KIAA1217: variants seen among roughly 807,000 people sequenced by gnomAD.
The protein encoded by KIAA1217 is KIAA1217.
A neutral mutation model predicts 163.9 loss-of-function variants in KIAA1217; 88 were observed. The ratio of observed to expected loss-of-function variants is 0.54; its 90% confidence interval spans 0.45 to 0.64. The LOEUF is 0.64. Ranked by LOEUF, KIAA1217 falls within the 30% of genes least tolerant of loss-of-function variation. KIAA1217 has a pLI of 0.00. For synonymous variants in KIAA1217, 903 were observed against 923.1 expected, an observed-to-expected ratio of 0.98 and a Z score of 0.39; for missense variants, 2,372 against 2,475.0, an observed-to-expected ratio of 0.96 and a Z score of 0.88.
intron 2 of KIAA1217, among the ~76,000 whole-genome samples, chr10:24,355,728 CTTTTTTTTTTTTTTTTTTTTTTTTTTT>C: frequency 3.1e-5 from 1 of 32,218 alleles, no homozygotes; most frequent in Middle Eastern, 0.021. Flanking sequence ...AGTCCTCACT[CTTTTTTTTTTTTTTTTTTTTTTTTTTT>C]TTTTTTTTTT....
At chr10:24,233,028 G>C (rs904020956) in intron 2 of KIAA1217, among the ~76,000 whole-genome samples, 1 of 151,310 alleles carries the variant, frequency 6.6e-6, no homozygotes, top group Non-Finnish European at 1.5e-5. Flanking sequence ...AGGAGGCTGA[G>C]ATGGGAGGAT....
At chr10:24,351,503 T>C (rs2048457415) in intron 2 of KIAA1217, among the ~76,000 whole-genome samples, 2 of 152,240 alleles carry the variant, frequency 1.3e-5, no homozygotes, top group South Asian at 4.1e-4. Context: ...TGCTACCCAC[T>C]GTGCAATGGA....
rs756523052 is a variant in KIAA1217, at chr10:24,286,427, T to TAC, written c.354+66531_354+66532dup. ...GCTTAGTTTTAACAAATTATATACA[T>TAC]ACACACACACACACGCATATATATA... is the stretch of plus-strand genomic sequence containing the variant. On this transcript the variant is annotated intron_variant, in intron 2 of 20. Coordinates refer to ENST00000376454, the MANE Select transcript of KIAA1217 (RefSeq NM_019590.5). 3.8e-3 allele frequency among the ~76,000 whole-genome samples: 572 copies of TAC among 150,724 alleles called. 5 individuals are homozygous for TAC. Among genetic ancestry groups the TAC allele is most frequent in the African/African-American group, 0.013 (536 of 41,124 alleles).
intron 1 of KIAA1217, among the ~76,000 whole-genome samples, chr10:24,004,290 T>C (rs1444225529): frequency 6.7e-6 from 1 of 150,050 alleles, no homozygotes; most frequent in Non-Finnish European, 1.5e-5. Flanking sequence ...GGCTTTTTAT[T>C]TTATTCAAAG....
At chr10:24,459,337 TC>T (rs2062125377) in intron 5 of KIAA1217, among the ~76,000 whole-genome samples, 1 of 152,210 alleles carries the variant, frequency 6.6e-6, no homozygotes, top group South Asian at 2.1e-4. Context: ...CATAAGAACC[TC>T]ATTATTCTAT....
chr10:23,999,769 A>G (rs548706316), intron 1 of KIAA1217, among the ~76,000 whole-genome samples: 72 of 152,272 alleles, frequency 4.7e-4, no homozygotes, highest in Non-Finnish European at 8.1e-4. Flanking sequence ...CCCTCTATTG[A>G]TTTATTAAGA....
intron 2 of KIAA1217, among the ~76,000 whole-genome samples, chr10:24,253,266 G>A (rs2074762329): frequency 6.6e-6 from 1 of 152,134 alleles, no homozygotes. Flanking sequence ...TTTTGTGCAA[G>A]CACTATTATT....
chr10:23,844,142 T>C (rs1262796800), intron 1 of KIAA1217, among the ~76,000 whole-genome samples: 1 of 152,182 alleles, frequency 6.6e-6, no homozygotes, highest in Non-Finnish European at 1.5e-5. Context: ...TTTCCACTTA[T>C]AAAGGAACCC....
At chr10:24,458,890 G>A (rs564117168) in intron 5 of KIAA1217, among the ~76,000 whole-genome samples, 14 of 152,088 alleles carry the variant, frequency 9.2e-5, no homozygotes, top group Non-Finnish European at 1.6e-4. Flanking sequence ...TGATGTGAAC[G>A]TTCAGTGACC....
intron 5 of KIAA1217, among the ~76,000 whole-genome samples, chr10:24,454,132 C>G (rs1211436836): frequency 1.3e-5 from 2 of 152,134 alleles, no homozygotes; most frequent in Admixed American, 1.3e-4. Flanking sequence ...TAATTCCTCT[C>G]TAAGAGTTCT....
intron 1 of KIAA1217, among the ~76,000 whole-genome samples, chr10:23,957,482 G>A (rs12261812): frequency 0.014 from 2,183 of 152,302 alleles, 57 homozygotes; most frequent in African/African-American, 0.05. Context: ...AGCACTTTGG[G>A]AGGCCAAGGC....
At chr10:23,755,548 C>T (rs539342020) in intron 1 of KIAA1217, among the ~76,000 whole-genome samples, 12 of 152,186 alleles carry the variant, frequency 7.9e-5, no homozygotes, top group Non-Finnish European at 1.3e-4. Flanking sequence ...GTCTTTTCTC[C>T]CTGGTGGCCT....
chr10:24,041,942 T>C (rs1848651274), intron 2 of KIAA1217, among the ~76,000 whole-genome samples: 1 of 148,396 alleles, frequency 6.7e-6, no homozygotes, highest in African/African-American at 2.6e-5. Flanking sequence ...CAAGGGAGTA[T>C]CGTGTGTGTG....
chr10:24,088,114 T>A (rs1021517982), intron 2 of KIAA1217, among the ~76,000 whole-genome samples: 1 of 123,258 alleles, frequency 8.1e-6, no homozygotes, highest in Non-Finnish European at 2.0e-5. Flanking sequence ...AAGGGTTATG[T>A]AGATAATGAG....
intron 1 of KIAA1217, among the ~76,000 whole-genome samples, chr10:23,999,037 T>G (rs893235693): frequency 6.6e-6 from 1 of 152,154 alleles, no homozygotes. Context: ...TTTCTGAAAA[T>G]AACTATCACT....
intron 2 of KIAA1217, among the ~76,000 whole-genome samples, chr10:24,024,204 G>T (rs1395526685): frequency 6.6e-6 from 1 of 151,460 alleles, no homozygotes; most frequent in Non-Finnish European, 1.5e-5. Flanking sequence ...TATAGGTTTT[G>T]ATAAATACAT....
chr10:24,382,290 GCCATGT>G (rs2053420213), intron 3 of KIAA1217, among the ~76,000 whole-genome samples: 1 of 152,012 alleles, frequency 6.6e-6, no homozygotes, highest in African/African-American at 2.4e-5. Flanking sequence ...GCTGAACTCT[GCCATGT>G]AAAACTGAGC....
intron 2 of KIAA1217, among the ~76,000 whole-genome samples, chr10:24,314,849 C>G (rs2043151614): frequency 6.6e-6 from 1 of 152,044 alleles, no homozygotes; most frequent in Admixed American, 6.6e-5. Context: ...GAGGCTGAGG[C>G]AGGAGAATGG....
At chr10:24,442,190 T>C (rs1025274176) in intron 5 of KIAA1217, among the ~76,000 whole-genome samples, 2 of 152,192 alleles carry the variant, frequency 1.3e-5, no homozygotes. Flanking sequence ...CTGATCTTTG[T>C]ATTTGACACC....
Sources: allele counts gnomAD v4.1 joint callset (sites outside exome capture counted in the v4.1 genomes callset), GRCh38; gene constraint gnomAD v4.1.1; transcripts MANE v1.5; gene names NCBI Gene and HGNC (gene_info 2026-07-23, HGNC 2026-07-21).